The following IRF2 variants were observed in gnomAD, a reference collection of about 807,000 sequenced individuals.
IRF2 encodes interferon regulatory factor 2.
A neutral mutation model predicts 40.6 loss-of-function variants in IRF2; 15 were observed. That is an observed-to-expected ratio of 0.37 (90% CI 0.25 to 0.57). The LOEUF (loss-of-function observed/expected upper bound fraction) is 0.57, where lower values mean the gene tolerates loss of function less well. Among genes scored for constraint, IRF2 ranks in the 20% least tolerant of loss-of-function variants. The probability of loss-of-function intolerance (pLI) is 0.77; values close to 1 mark genes in which losing one functional copy is unlikely to be tolerated. For missense variants in IRF2, 317 were observed against 455.7 expected (o/e 0.70, Z 2.77); for synonymous variants, 151 against 165.5 (o/e 0.91, Z 0.67).
chr4:184,433,255 C>T (rs149696630), intron 1 of IRF2, among the ~76,000 whole-genome samples: 6 of 152,272 alleles, frequency 3.9e-5, no homozygotes, highest in East Asian at 3.9e-4. Context: ...GGATTCCAGG[C>T]GACCGCTGTG....
chr4:184,465,157 A>G (rs1739277388), intron 1 of IRF2, among the ~76,000 whole-genome samples: 1 of 149,860 alleles, frequency 6.7e-6, no homozygotes, highest in Non-Finnish European at 1.5e-5. Flanking sequence ...ACAAAACATT[A>G]TGTCCCAACC....
intron 7 of IRF2, among the ~76,000 whole-genome samples, chr4:184,395,570 T>C (rs182868194): frequency 6.6e-6 from 1 of 152,340 alleles, no homozygotes; most frequent in East Asian, 1.9e-4. Context: ...CTGCCTTTCC[T>C]GACAGCATGT....
At chr4:184,470,254 G>T (rs13146124) in intron 1 of IRF2, among the ~76,000 whole-genome samples, 1 of 152,106 alleles carries the variant, frequency 6.6e-6, no homozygotes, top group Non-Finnish European at 1.5e-5. Flanking sequence ...CCGCAGTTTC[G>T]TTTATTTGCA....
chr4:184,407,652 G>A (rs1223605850), intron 6 of IRF2, among the ~76,000 whole-genome samples: 1 of 152,154 alleles, frequency 6.6e-6, no homozygotes, highest in Non-Finnish European at 1.5e-5. Flanking sequence ...AAAAGAAATT[G>A]GGCCTCCTCC....
Position 184,453,497 on chromosome 4 carries a change from A to G in IRF2, c.-7+20882T>C, listed in dbSNP as rs771265189. 3.3e-5 allele frequency among the ~76,000 whole-genome samples: 5 copies of G among 152,256 alleles called. No individual in the cohort carries two copies. In the East Asian group the frequency reaches 9.6e-4, roughly 29 times the overall value. Reference sequence around the variant, plus strand: ...TTTCCCTTAATCAGCACGTCCTCTGAGCACTGCCTTTGCAGTACAGGAGAA... The same window carrying G: ...TTTCCCTTAATCAGCACGTCCTCTGGGCACTGCCTTTGCAGTACAGGAGAA... On this transcript the variant is annotated intron_variant, in intron 1 of 8. Coordinates refer to ENST00000393593, the MANE Select transcript of IRF2 (RefSeq NM_002199.4).
chr4:184,463,453 T>C (rs902376829), intron 1 of IRF2, among the ~76,000 whole-genome samples: 3 of 152,198 alleles, frequency 2.0e-5, no homozygotes, highest in Admixed American at 1.3e-4. Context: ...ATACTCAGTA[T>C]GAAAAATGGA....
In IRF2 at chr4:184,418,249, C is replaced by T. The variant is rs201429813; in HGVS notation, c.365-36G>A. The T allele has an allele frequency of 6.4e-4, 952 of 1,477,648 alleles. 4 individuals carry two copies. The highest frequency in any genetic ancestry group is 7.9e-4 in the Non-Finnish European group (835 of 1,055,752). The allele number at this position is 1,477,648 out of a possible 1,614,324, so 91.5% of individuals were successfully genotyped here. A position where few individuals can be genotyped will look rare whatever the true frequency, so the allele number is the denominator to read the frequency against. ...AAAAATGTAGTTTTGGATTAATTCACGAAGGGCCTCCAGAGAAACATTTCC... is the reference window on the plus strand; with the variant it reads ...AAAAATGTAGTTTTGGATTAATTCATGAAGGGCCTCCAGAGAAACATTTCC... On this transcript the variant is annotated intron_variant, in intron 4 of 8. Transcript: ENST00000393593.
chr4:184,388,818 G>C lies in IRF2; in HGVS notation c.990C>G (p.Thr330=). The C allele has an allele frequency of 6.2e-7, 1 of 1,613,898 alleles. No homozygotes were observed. Among genetic ancestry groups the C allele is most frequent in the African/African-American group, 1.3e-5 (1 of 75,020 alleles). Residue 330 remains threonine, a synonymous_variant, in exon 9 of 9, where the codon ACC becomes ACG. Transcript: ENST00000393593. This position sits in a 1 kb window ranked among gnomAD's most constrained non-coding sequence, Gnocchi z 4.6. ...ASSSSRPDRE[T]RASVIKKTSD... Reference sequence around the variant, plus strand: ...ATGTTTTCTTGATGACGCTGGCCCGGGTCTCCCGGTCTGGCCGACTGCTGC... The same window carrying C: ...ATGTTTTCTTGATGACGCTGGCCCGCGTCTCCCGGTCTGGCCGACTGCTGC...
At chr4:184,444,041 G>A (rs1002348153) in intron 1 of IRF2, among the ~76,000 whole-genome samples, 27 of 152,284 alleles carry the variant, frequency 1.8e-4, no homozygotes, top group Non-Finnish European at 2.9e-4. Flanking sequence ...GATGACACCC[G>A]AGGTCTGACA....
chr4:184,470,275 A>G (rs116812057), intron 1 of IRF2, among the ~76,000 whole-genome samples: 2,205 of 152,350 alleles, frequency 0.014, 31 homozygotes, highest in Middle Eastern at 0.054. Flanking sequence ...TATATTACGT[A>G]TTGTAATATA....
chr4:184,398,161 T>C (rs1736533312), intron 7 of IRF2, among the ~76,000 whole-genome samples: 1 of 152,174 alleles, frequency 6.6e-6, no homozygotes, highest in Admixed American at 6.5e-5. Flanking sequence ...GCCCAAACAC[T>C]TGCTGACTGT....
intron 1 of IRF2, among the ~76,000 whole-genome samples, chr4:184,447,007 A>C (rs1033308660): frequency 6.6e-6 from 1 of 152,134 alleles, no homozygotes; most frequent in African/African-American, 2.4e-5. Context: ...CAACTAATAC[A>C]CATATTCTCT....
At chr4:184,389,457 G>A (rs1184325886) in intron 8 of IRF2, among the ~76,000 whole-genome samples, 1 of 152,168 alleles carries the variant, frequency 6.6e-6, no homozygotes, top group African/African-American at 2.4e-5. Flanking sequence ...AATGAAAAAT[G>A]TGTCGTTCCC....
intron 7 of IRF2, among the ~76,000 whole-genome samples, chr4:184,395,543 T>C (rs1171762343): frequency 6.8e-6 from 1 of 148,116 alleles, no homozygotes; most frequent in Admixed American, 6.8e-5. Flanking sequence ...GCAAGAAAGG[T>C]GAATACACGC....
intron 1 of IRF2, among the ~76,000 whole-genome samples, chr4:184,450,319 C>A (rs1015655155): frequency 2.6e-5 from 4 of 152,162 alleles, no homozygotes; most frequent in Non-Finnish European, 4.4e-5. Flanking sequence ...GGATTTGGGG[C>A]TTGCAGTAGA....
intron 1 of IRF2, among the ~76,000 whole-genome samples, chr4:184,432,926 A>G (rs779309905): frequency 4.6e-5 from 7 of 152,198 alleles, no homozygotes; most frequent in Non-Finnish European, 8.8e-5. Context: ...GTGATGGAAT[A>G]CATTTCTGTT....
chr4:184,423,194 T>C (rs1246022597), intron 2 of IRF2, among the ~76,000 whole-genome samples: 2 of 152,096 alleles, frequency 1.3e-5, no homozygotes, highest in African/African-American at 4.8e-5. Context: ...CGTCAGTATG[T>C]GCCAGGTGTC....
rs1271383293 is a variant in IRF2, at chr4:184,441,180, C to T, written c.-6-12110G>A. Among the ~76,000 whole-genome samples the T allele has an allele frequency of 3.3e-5, 5 of 152,284 alleles. No individual in the cohort carries two copies. In the East Asian group the frequency reaches 9.6e-4, roughly 29 times the overall value. ...ATGTGCTTTAATCCACTGAGACCAA[C>T]GCTCCTTAGGCCTAAATAGGCCTTG... On this transcript the variant is annotated intron_variant, in intron 1 of 8. Transcript: ENST00000393593.
chr4:184,419,025 G>A (rs1018437447), intron 3 of IRF2, among the ~76,000 whole-genome samples: 1 of 152,172 alleles, frequency 6.6e-6, no homozygotes, highest in African/African-American at 2.4e-5. Flanking sequence ...AAGACTGAGA[G>A]GCTGCAAAGT....
Sources: allele counts gnomAD v4.1 joint callset (sites outside exome capture counted in the v4.1 genomes callset), GRCh38; gene constraint gnomAD v4.1.1; non-coding constraint Gnocchi (gnomAD v3.1); transcripts MANE v1.5; gene names NCBI Gene and HGNC (gene_info 2026-07-23, HGNC 2026-07-21).